Variants in GULP1 observed in about 807,000 individuals in gnomAD.
The protein encoded by GULP1 is GULP PTB domain containing engulfment adaptor 1.
In GULP1, 19 loss-of-function variants were observed where a neutral mutation model predicts 40.9. The observed-to-expected ratio is 0.46, with a 90% CI of 0.32 to 0.68. GULP1 has a LOEUF of 0.68. GULP1 is among the 30% of genes least tolerant of loss of function. The pLI, the probability that GULP1 is intolerant of heterozygous loss-of-function variation, is 0.03. For missense variants in GULP1, 312 were observed against 362.2 expected (o/e 0.86, Z 1.12); for synonymous variants, 119 against 117.6 (o/e 1.01, Z -0.08).
intron 1 of GULP1, among the ~76,000 whole-genome samples, chr2:188,312,989 G>A (rs1369250337): frequency 6.6e-6 from 1 of 151,456 alleles, no homozygotes; most frequent in Non-Finnish European, 1.5e-5. Context: ...CTGTAAATTT[G>A]TTTAAGTTCC....
intron 1 of GULP1, among the ~76,000 whole-genome samples, chr2:188,327,693 A>G (rs1344202752): frequency 6.6e-6 from 1 of 152,110 alleles, no homozygotes; most frequent in East Asian, 1.9e-4. Flanking sequence ...AGTGTAAAAA[A>G]TGGTGTTAGA....
At chr2:188,498,325 G>A (rs2063100150) in intron 4 of GULP1, among the ~76,000 whole-genome samples, 2 of 151,904 alleles carry the variant, frequency 1.3e-5, no homozygotes. Flanking sequence ...AGGGGATAAT[G>A]AGGTACTGGG....
At chr2:188,546,342 A>T (rs1691965216) in intron 7 of GULP1, among the ~76,000 whole-genome samples, 1 of 152,062 alleles carries the variant, frequency 6.6e-6, no homozygotes, top group South Asian at 2.1e-4. Context: ...AAATCTTGAA[A>T]ATTTAAAAGA....
chr2:188,552,897 G>A (rs959326836), intron 7 of GULP1, among the ~76,000 whole-genome samples: 13 of 149,748 alleles, frequency 8.7e-5, no homozygotes, highest in Non-Finnish European at 1.6e-4. Context: ...ACATATATGT[G>A]TTTATCTCTC....
chr2:188,580,477 C>A (rs886653420), intron 9 of GULP1, among the ~76,000 whole-genome samples: 1 of 149,562 alleles, frequency 6.7e-6, no homozygotes, highest in Admixed American at 6.7e-5. Flanking sequence ...GGCGTGAACC[C>A]GGGAGGCGGA....
intron 1 of GULP1, among the ~76,000 whole-genome samples, chr2:188,378,733 A>C (rs538674490): frequency 3.3e-5 from 5 of 152,208 alleles, no homozygotes; most frequent in Admixed American, 1.3e-4. Context: ...ACTCATTACC[A>C]CCAGGATGGC....
At chr2:188,577,671 G>A (rs1700419816) in intron 9 of GULP1, among the ~76,000 whole-genome samples, 1 of 152,098 alleles carries the variant, frequency 6.6e-6, no homozygotes. Context: ...TAACTTGAAA[G>A]ATTCTTGTGA....
rs1429176077 is a variant in GULP1 at position 188,593,871 on chromosome 2, CT to C, written c.844-63del. 1.4e-5 allele frequency: 12 copies of C among 874,142 alleles called. No homozygotes were observed. The African/African-American group carries it at 1.5e-4, about 11-fold the overall frequency. 54.1% of individuals were successfully genotyped at this position (874,142 alleles called of 1,614,324 possible). On this transcript the variant is annotated intron_variant, in intron 11 of 11. Coordinates refer to ENST00000409830, the MANE Select transcript of GULP1 (RefSeq NM_016315.4). The stretch of plus-strand genomic sequence containing the variant: ...GAATATTTCAACTTTAGTGCATAGT[CT>C]TTTTTATTCACTGATTTTATTTTGC...
At chr2:188,583,286 G>C (rs886301765) in intron 9 of GULP1, among the ~76,000 whole-genome samples, 1 of 152,076 alleles carries the variant, frequency 6.6e-6, no homozygotes. Context: ...CAATAAGCCT[G>C]ATTTTTTCAT....
intron 1 of GULP1, among the ~76,000 whole-genome samples, chr2:188,315,559 A>G (rs1040562299): frequency 1.3e-5 from 2 of 152,150 alleles, no homozygotes; most frequent in Non-Finnish European, 2.9e-5. Context: ...AGCACTTAGC[A>G]TACTACTTGA....
intron 2 of GULP1, among the ~76,000 whole-genome samples, chr2:188,447,913 A>G (rs1039831296): frequency 1.3e-5 from 2 of 152,172 alleles, no homozygotes; most frequent in Non-Finnish European, 2.9e-5. Context: ...AAAGAATTCA[A>G]ACTCATTCTT....
intron 5 of GULP1, among the ~76,000 whole-genome samples, chr2:188,523,557 CT>C (rs10707119): frequency 0.97 from 146,822 of 150,950 alleles, 71,533 homozygotes; most frequent in Non-Finnish European, 1. Context: ...ATTATCACTA[CT>C]TTTTTTTTTT....
chr2:188,527,596 G>A (rs1047921463), intron 5 of GULP1, among the ~76,000 whole-genome samples: 6 of 152,102 alleles, frequency 3.9e-5, no homozygotes, highest in African/African-American at 9.7e-5. Flanking sequence ...TATCTGGCAC[G>A]AATTAGTTGT....
intron 1 of GULP1, among the ~76,000 whole-genome samples, chr2:188,366,205 G>C (rs1388586771): frequency 6.6e-6 from 1 of 152,136 alleles, no homozygotes; most frequent in Non-Finnish European, 1.5e-5. Context: ...GAAATTTTAT[G>C]CTGAATAGTG....
At chr2:188,499,009 T>A (rs1263654385) in intron 4 of GULP1, among the ~76,000 whole-genome samples, 1 of 150,966 alleles carries the variant, frequency 6.6e-6, no homozygotes, top group Non-Finnish European at 1.5e-5. Flanking sequence ...TTCCAGTTTC[T>A]CTTTTATCCA....
chr2:188,536,183 A>G (rs1051628523), intron 6 of GULP1, among the ~76,000 whole-genome samples: 1 of 152,118 alleles, frequency 6.6e-6, no homozygotes, highest in Non-Finnish European at 1.5e-5. Context: ...TTTGCTGTGC[A>G]GATGCTCTTT....
chr2:188,522,875 G>A, intron 5 of GULP1, 48 bp downstream of exon 5: 2 of 1,152,074 alleles, frequency 1.7e-6, no homozygotes, highest in Non-Finnish European at 2.6e-6. Context: ...ACTCTGTCAT[G>A]TTTTCAGCAG....
chr2:188,539,206 G>GT (rs1469880049), intron 6 of GULP1, among the ~76,000 whole-genome samples: 1 of 151,950 alleles, frequency 6.6e-6, no homozygotes, highest in African/African-American at 2.4e-5. Context: ...TGTTTTGCAT[G>GT]TTACTCATAA....
chr2:188,412,523 C>T (rs1456371157), intron 2 of GULP1, among the ~76,000 whole-genome samples: 2 of 152,014 alleles, frequency 1.3e-5, no homozygotes, highest in African/African-American at 2.4e-5. Flanking sequence ...GGAACTCCCA[C>T]GGTTTCCCTC....
Sources: allele counts gnomAD v4.1 joint callset (sites outside exome capture counted in the v4.1 genomes callset), GRCh38; gene constraint gnomAD v4.1.1; transcripts MANE v1.5; gene names NCBI Gene and HGNC (gene_info 2026-07-23, HGNC 2026-07-21).